Variants in ZDHHC13 observed in about 807,000 individuals in gnomAD.
ZDHHC13 encodes zDHHC palmitoyltransferase 13, also known as palmitoyltransferase ZDHHC13.
A neutral mutation model predicts 86.0 loss-of-function variants in ZDHHC13; 85 were observed. The ratio of observed to expected loss-of-function variants is 0.99; its 90% CI spans 0.83 to 1.18. The LOEUF is 1.18. ZDHHC13 is among the 50% of genes most tolerant of loss of function. The pLI is 0.00. For missense variants in ZDHHC13, 711 were observed against 730.2 expected, an observed-to-expected ratio of 0.97 and a Z score of 0.30; for synonymous variants, 263 against 246.4, an observed-to-expected ratio of 1.07 and a Z score of -0.63.
intron 1 of ZDHHC13, among the ~76,000 whole-genome samples, chr11:19,129,632 G>A (rs1347552528): frequency 1.3e-5 from 2 of 152,038 alleles, no homozygotes; most frequent in Non-Finnish European, 2.9e-5. Flanking sequence ...ATTTTGAAAT[G>A]TTTAAGCTGG....
Position 19,117,215 on chromosome 11 carries a change from CCT to C in ZDHHC13, c.-34_-33del. On this transcript the variant is annotated 5_prime_UTR_variant, in exon 1 of 17. Transcript: ENST00000446113. The surrounding 1 kb of genome is among the most constrained non-coding windows in gnomAD (Gnocchi z 4.2). ...GCGGGCTGGCGGCAGTCGCTACTTG[CCT>C]AGTAGCCTCAGCCGCTGTGGGCTCC... 1.3e-6 allele frequency: 2 copies of C among 1,530,070 alleles called. No homozygotes were observed. The highest frequency in any genetic ancestry group is 1.8e-6 in the Non-Finnish European group (2 of 1,141,514). The allele number at this position is 1,530,070 out of a possible 1,614,324, so 94.8% of individuals were successfully genotyped here.
chr11:19,149,407 T>G, intron 5 of ZDHHC13, 76 bp downstream of exon 5: 15 of 1,339,136 alleles, frequency 1.1e-5, no homozygotes, highest in South Asian at 1.9e-5. Flanking sequence ...TAGTAGTCTC[T>G]TCTCATTTTT....
chr11:19,156,708 G>A (rs973920159), intron 9 of ZDHHC13, among the ~76,000 whole-genome samples: 3 of 151,634 alleles, frequency 2.0e-5, no homozygotes, highest in Non-Finnish European at 4.4e-5. Flanking sequence ...CACCTCCCAC[G>A]TCCAACCCAT....
chr11:19,126,270 C>T (rs139980335), intron 1 of ZDHHC13, among the ~76,000 whole-genome samples: 3 of 151,980 alleles, frequency 2.0e-5, no homozygotes, highest in African/African-American at 7.2e-5. Flanking sequence ...GCTCCTCTCT[C>T]TCCTCCCACC....
intron 1 of ZDHHC13, among the ~76,000 whole-genome samples, chr11:19,136,997 A>C (rs533242074): frequency 6.6e-6 from 1 of 152,314 alleles, no homozygotes; most frequent in Admixed American, 6.5e-5. Context: ...ACTAGGAAGA[A>C]ACTGCATGAA....
chr11:19,136,291 G>A (rs1849136336), intron 1 of ZDHHC13, among the ~76,000 whole-genome samples: 1 of 152,198 alleles, frequency 6.6e-6, no homozygotes, highest in East Asian at 1.9e-4. Flanking sequence ...AGCCTCAGGA[G>A]CCGATGCGAT....
intron 12 of ZDHHC13, 52 bp from the exon 13 acceptor site, chr11:19,165,000 A>T: frequency 6.6e-7 from 1 of 1,525,712 alleles, no homozygotes; most frequent in East Asian, 2.3e-5. Context: ...GTGATTTGTT[A>T]CCACTTTGAG....
intron 3 of ZDHHC13, among the ~76,000 whole-genome samples, chr11:19,146,804 C>T (rs1849479541): frequency 6.6e-6 from 1 of 152,096 alleles, no homozygotes; most frequent in South Asian, 2.1e-4. Flanking sequence ...AACAGCTTAA[C>T]ATGTAAAATG....
intron 1 of ZDHHC13, among the ~76,000 whole-genome samples, chr11:19,135,743 C>T (rs1420566362): frequency 6.6e-6 from 1 of 152,240 alleles, no homozygotes; most frequent in Non-Finnish European, 1.5e-5. Flanking sequence ...GGCAGACTGC[C>T]TCCTCAAGTG....
At chr11:19,146,041 G>A in intron 2 of ZDHHC13, 140 bp from the exon 3 acceptor site, 1 of 864,978 alleles carries the variant, frequency 1.2e-6, no homozygotes, top group Non-Finnish European at 1.7e-6. Flanking sequence ...TCCTCTCTAT[G>A]CATGTCTTTG....
intron 14 of ZDHHC13, chr11:19,169,476 C>CTCATT: frequency 1.0e-6 from 1 of 985,456 alleles, no homozygotes; most frequent in Non-Finnish European, 1.2e-6. Flanking sequence ...AAGTCATAGA[C>CTCATT]TCATTTTCTT....
At chr11:19,150,919 G>T in intron 6 of ZDHHC13, 128 bp downstream of exon 6, 2 of 764,978 alleles carry the variant, frequency 2.6e-6, no homozygotes. Context: ...TTTTCACACA[G>T]AGACTGTGAT....
intron 1 of ZDHHC13, among the ~76,000 whole-genome samples, chr11:19,120,035 C>T (rs1324416851): frequency 3.3e-5 from 5 of 152,152 alleles, no homozygotes; most frequent in Non-Finnish European, 5.9e-5. Context: ...AATTAATGCC[C>T]ACTGTAACTT....
intron 14 of ZDHHC13, chr11:19,169,433 G>T: frequency 6.1e-6 from 6 of 985,424 alleles, no homozygotes; most frequent in Non-Finnish European, 7.2e-6. Context: ...AAGAAAAGTA[G>T]ATTTTTAGGA....
chr11:19,175,745 A>G (rs1167501363), intron 16 of ZDHHC13, 77 bp from the exon 17 acceptor site: 142 of 1,546,000 alleles, frequency 9.2e-5, no homozygotes, highest in Non-Finnish European at 1.2e-4. Context: ...ATTGCATATT[A>G]TAGATTCTCC....
chr11:19,133,942 T>TATATATATACACAC, intron 1 of ZDHHC13, among the ~76,000 whole-genome samples: 4 of 96,102 alleles, frequency 4.2e-5, no homozygotes, highest in Non-Finnish European at 6.9e-5. Flanking sequence ...TATATATATA[T>TATATATATACACAC]ACACGTATGT....
In ZDHHC13 at chr11:19,143,029, A is replaced by G. The variant is rs1849365217; in HGVS notation, c.79A>G (p.Ile27Val). The G allele has an allele frequency of 6.2e-7, 1 of 1,612,660 alleles. No individual in the cohort carries two copies. The highest frequency in any genetic ancestry group is 8.5e-7 in the Non-Finnish European group (1 of 1,179,304). ...CCCTCCAGGATTTGGTCGATATGGC[A>G]TCTGTGCACATGAAAACAAAGAACT... ...PHPPGFGRYG[I>V]CAHENKELAN... Residue 27 changes from isoleucine to valine, a missense_variant, in exon 2 of 17, where the codon ATC (isoleucine) becomes GTC (valine). Physicochemically the swap from Ile to Val is conservative, Grantham distance 29. Transcript: ENST00000446113.
At chr11:19,143,700 G>A (rs951582042) in intron 2 of ZDHHC13, among the ~76,000 whole-genome samples, 2 of 152,182 alleles carry the variant, frequency 1.3e-5, no homozygotes, top group African/African-American at 4.8e-5. Flanking sequence ...CACTGGATAT[G>A]GAAGTACATT....
intron 14 of ZDHHC13, chr11:19,169,795 T>A: frequency 1.0e-6 from 1 of 985,566 alleles, no homozygotes; most frequent in Non-Finnish European, 1.2e-6. Flanking sequence ...GGGGAGAAAC[T>A]GAGCTGTGAC....
Sources: gnomAD v4.1 joint callset for allele counts (sites outside exome capture counted in the v4.1 genomes callset) on GRCh38, gnomAD v4.1.1 for gene constraint, Gnocchi (gnomAD v3.1) non-coding constraint, MANE v1.5 for transcripts, NCBI Gene and HGNC (gene_info 2026-07-23, HGNC 2026-07-21) for gene names.